Variants in THSD7B observed in about 807,000 individuals in gnomAD.
THSD7B encodes the protein thrombospondin type-1 domain-containing protein 7B.
A neutral mutation model predicts 213.6 loss-of-function variants in THSD7B; 138 were observed. That is an observed-to-expected ratio of 0.65 (90% confidence interval 0.56 to 0.74). The LOEUF is 0.74. THSD7B is among the 30% of genes least tolerant of loss of function. The pLI, the probability that THSD7B is intolerant of heterozygous loss-of-function variation, is 0.00. For missense variants in THSD7B, 1,931 were observed against 1,991.5 expected (o/e 0.97, Z 0.58); for synonymous variants, 742 against 687.0 (o/e 1.08, Z -1.25).
At chr2:137,350,950 C>G (rs1684999673) in intron 12 of THSD7B, among the ~76,000 whole-genome samples, 1 of 151,892 alleles carries the variant, frequency 6.6e-6, no homozygotes, top group Non-Finnish European at 1.5e-5. Flanking sequence ...GAAAGATCAT[C>G]AGTTGAACTC....
At chr2:137,272,467 T>G (rs1394723980) in intron 10 of THSD7B, 66 bp from the exon 11 acceptor site, 1 of 1,474,910 alleles carries the variant, frequency 6.8e-7, no homozygotes, top group African/African-American at 1.4e-5. Flanking sequence ...TTTCAATTGC[T>G]ACCTGGATTT....
intron 7 of THSD7B, among the ~76,000 whole-genome samples, chr2:137,219,422 A>G (rs1182723468): frequency 6.6e-6 from 1 of 151,986 alleles, no homozygotes; most frequent in African/African-American, 2.4e-5. Context: ...AAAGACAAGA[A>G]CTGGCAATAT....
At chr2:137,212,554 A>C (rs746518261) in intron 7 of THSD7B, among the ~76,000 whole-genome samples, 1 of 152,064 alleles carries the variant, frequency 6.6e-6, no homozygotes, top group Non-Finnish European at 1.5e-5. Context: ...ACATTGTCTG[A>C]ATTGGGACTA....
intron 1 of THSD7B, among the ~76,000 whole-genome samples, chr2:136,846,295 A>G (rs1227197498): frequency 2.0e-5 from 3 of 152,102 alleles, no homozygotes; most frequent in African/African-American, 7.2e-5. Flanking sequence ...TTGGGTAACT[A>G]AGGAGACACC....
chr2:137,309,414 T>G (rs956205748), intron 12 of THSD7B, among the ~76,000 whole-genome samples: 1 of 151,820 alleles, frequency 6.6e-6, no homozygotes, highest in African/African-American at 2.4e-5. Flanking sequence ...GCTCCCAGTT[T>G]GATATTTATT....
chr2:137,358,457 C>T (rs1165116200), intron 12 of THSD7B, among the ~76,000 whole-genome samples: 1 of 152,092 alleles, frequency 6.6e-6, no homozygotes, highest in Non-Finnish European at 1.5e-5. Flanking sequence ...CTTATTACAC[C>T]TACTCAGAGG....
At chr2:136,797,211 T>A (rs1682086051) in intron 1 of THSD7B, among the ~76,000 whole-genome samples, 1 of 151,918 alleles carries the variant, frequency 6.6e-6, no homozygotes, top group Non-Finnish European at 1.5e-5. Flanking sequence ...TGAGAAATTA[T>A]CATAATTATT....
chr2:137,010,780 A>T (rs1177746160), intron 2 of THSD7B, among the ~76,000 whole-genome samples: 1 of 152,214 alleles, frequency 6.6e-6, no homozygotes, highest in Non-Finnish European at 1.5e-5. Flanking sequence ...GATGAGACAA[A>T]GTTCCTGCCC....
chr2:137,317,224 A>G (rs1479700194), intron 12 of THSD7B, among the ~76,000 whole-genome samples: 1 of 152,070 alleles, frequency 6.6e-6, no homozygotes, highest in Non-Finnish European at 1.5e-5. Context: ...ATCTATTTTT[A>G]TTTTCCCAAG....
intron 2 of THSD7B, among the ~76,000 whole-genome samples, chr2:136,901,089 T>C (rs1275286115): frequency 6.7e-6 from 1 of 149,954 alleles, no homozygotes; most frequent in Non-Finnish European, 1.5e-5. Flanking sequence ...TTTTTTTTTT[T>C]ATTGTTTTAA....
intron 12 of THSD7B, among the ~76,000 whole-genome samples, chr2:137,389,787 TG>T (rs1250199242): frequency 6.6e-6 from 1 of 152,132 alleles, no homozygotes; most frequent in East Asian, 1.9e-4. Flanking sequence ...CATCTGTATG[TG>T]GATATTCAGT....
intron 2 of THSD7B, among the ~76,000 whole-genome samples, chr2:137,044,726 A>G (rs984408018): frequency 2.0e-5 from 3 of 152,236 alleles, no homozygotes; most frequent in African/African-American, 4.8e-5. Flanking sequence ...GTCTCATACT[A>G]TACTCATCTT....
intron 2 of THSD7B, among the ~76,000 whole-genome samples, chr2:137,025,934 A>G (rs1402762561): frequency 3.9e-5 from 6 of 152,112 alleles, no homozygotes; most frequent in African/African-American, 1.4e-4. Context: ...TCTGTGCATA[A>G]TCTTTTTGTC....
At chr2:137,186,915 T>C (rs1680563480) in intron 7 of THSD7B, among the ~76,000 whole-genome samples, 1 of 152,174 alleles carries the variant, frequency 6.6e-6, no homozygotes, top group South Asian at 2.1e-4. Flanking sequence ...TTTATAGAGA[T>C]CTTTCACCTC....
intron 1 of THSD7B, among the ~76,000 whole-genome samples, chr2:136,790,010 G>T (rs1001892952): frequency 1.2e-4 from 18 of 151,788 alleles, no homozygotes; most frequent in South Asian, 2.1e-4. Flanking sequence ...TAATGGCCTG[G>T]GAGGGGAAGG....
chr2:136,865,459 G>C (rs1558830863), intron 1 of THSD7B, among the ~76,000 whole-genome samples: 2 of 152,312 alleles, frequency 1.3e-5, no homozygotes, highest in African/African-American at 4.8e-5. Flanking sequence ...TTAATTTTCT[G>C]TCATTGGAAA....
intron 15 of THSD7B, among the ~76,000 whole-genome samples, chr2:137,516,428 C>A (rs192046309): frequency 6.6e-6 from 1 of 152,298 alleles, no homozygotes; most frequent in Non-Finnish European, 1.5e-5. Context: ...CACTGTTAGT[C>A]TTTCTCTCAT....
intron 12 of THSD7B, among the ~76,000 whole-genome samples, chr2:137,401,249 T>G (rs1686351890): frequency 6.6e-6 from 1 of 152,204 alleles, no homozygotes; most frequent in African/African-American, 2.4e-5. Context: ...GCCTCTGAAT[T>G]GGGTTGTACC....
At chr2:137,626,522 G>A (rs374467329) in intron 20 of THSD7B, among the ~76,000 whole-genome samples, 5 of 148,782 alleles carry the variant, frequency 3.4e-5, no homozygotes, top group East Asian at 3.9e-4. Context: ...TTTTTCCATT[G>A]TTCTCACCAT....
Sources: gnomAD v4.1 joint callset for allele counts (sites outside exome capture counted in the v4.1 genomes callset) on GRCh38, gnomAD v4.1.1 for gene constraint, MANE v1.5 for transcripts, NCBI Gene and HGNC (gene_info 2026-07-23, HGNC 2026-07-21) for gene names.